Variants in TENM1 observed in about 807,000 individuals in gnomAD.
The protein encoded by TENM1 is teneurin transmembrane protein 1, also known as teneurin-1.
A neutral mutation model predicts 174.8 loss-of-function variants in TENM1; 35 were observed. That is an observed-to-expected ratio of 0.20 (90% confidence interval 0.15 to 0.27). The LOEUF (loss-of-function observed/expected upper bound fraction) is 0.27, where lower values mean the gene tolerates loss of function less well. Among genes scored for constraint, TENM1 ranks in the 10% least tolerant of loss-of-function variants. TENM1 has a pLI of 1.00. For missense variants in TENM1, 1,633 were observed against 2,130.1 expected (o/e 0.77, Z 4.59); for synonymous variants, 781 against 798.7 (o/e 0.98, Z 0.37).
chrX:125,147,824 G>A, the TENM1 span, among the ~76,000 whole-genome samples: 2 of 111,681 alleles, frequency 1.8e-5, no homozygotes, highest in African/African-American at 3.3e-5. Context: ...TGGTTACACC[G>A]CAGATTTATA....
intron 1 of TENM1, among the ~76,000 whole-genome samples, chrX:124,947,372 A>G (rs776122988): frequency 8.9e-6 from 1 of 112,091 alleles, no homozygotes; most frequent in South Asian, 3.7e-4. Context: ...CTACATATAC[A>G]TTACAGTATA....
intron 3 of TENM1, among the ~76,000 whole-genome samples, chrX:124,808,734 C>T (rs901698470): frequency 9.0e-6 from 1 of 111,222 alleles, no homozygotes; most frequent in Non-Finnish European, 1.9e-5. Context: ...AACCAGTGGG[C>T]CAATGATGAA....
intron 30 of TENM1, among the ~76,000 whole-genome samples, chrX:124,383,342 T>C (rs1025098922): frequency 8.9e-6 from 1 of 111,947 alleles, no homozygotes; most frequent in Non-Finnish European, 1.9e-5. Flanking sequence ...TAATATCAGC[T>C]TATATGATGA....
chrX:124,383,671 T>G (rs1247589523), exon 30 of TENM1: 1 of 1,209,730 alleles, frequency 8.3e-7, no homozygotes. Flanking sequence ...TTTTGCCAAC[T>G]GGGTAGTTAT....
intron 22 of TENM1, among the ~76,000 whole-genome samples, chrX:124,469,286 A>G (rs1392785223): frequency 1.8e-5 from 2 of 112,226 alleles, no homozygotes; most frequent in African/African-American, 6.5e-5. Flanking sequence ...AAGTATTTTA[A>G]TACTTATCCT....
At chrX:124,382,781 G>T in exon 31 of TENM1, 1 of 1,201,481 alleles carries the variant, frequency 8.3e-7, no homozygotes, top group South Asian at 1.8e-5. Flanking sequence ...TGTGTAATTG[G>T]AAACCAAATA....
intron 3 of TENM1, among the ~76,000 whole-genome samples, chrX:124,770,687 G>A (rs1420901999): frequency 1.8e-5 from 2 of 110,176 alleles, no homozygotes; most frequent in African/African-American, 6.6e-5. Flanking sequence ...GGGATTACAG[G>A]CGTGAACCAC....
intron 22 of TENM1, among the ~76,000 whole-genome samples, chrX:124,454,619 G>A (rs777402011): frequency 9.0e-6 from 1 of 111,530 alleles, no homozygotes; most frequent in East Asian, 2.8e-4. Flanking sequence ...TGGCCAGGCT[G>A]GTCTCGAACT....
intron 5 of TENM1, among the ~76,000 whole-genome samples, chrX:124,690,484 AGT>A (rs58386633): frequency 0.092 from 8,611 of 93,132 alleles, 341 homozygotes; most frequent in Non-Finnish European, 0.11. Context: ...GCTTTGTTAG[AGT>A]GTGTGTGTGT....
chrX:124,721,106 T>C (rs773032266), intron 4 of TENM1, among the ~76,000 whole-genome samples: 1 of 111,656 alleles, frequency 9.0e-6, no homozygotes, highest in Non-Finnish European at 1.9e-5. Context: ...GAAAATGAGG[T>C]TGAGAAGAAG....
At chrX:124,594,225 C>CT (rs1413839064) in intron 11 of TENM1, among the ~76,000 whole-genome samples, 5 of 111,638 alleles carry the variant, frequency 4.5e-5, no homozygotes, top group African/African-American at 1.6e-4. Flanking sequence ...GCTTCACTCA[C>CT]TTTTATCAGC....
At chrX:125,097,924 T>C in the TENM1 span, among the ~76,000 whole-genome samples, 1 of 112,545 alleles carries the variant, frequency 8.9e-6, no homozygotes, top group Non-Finnish European at 1.9e-5. Flanking sequence ...TGGCTAAAAA[T>C]CTGGTATGTT....
chrX:125,147,320 T>TAC, the TENM1 span, among the ~76,000 whole-genome samples: 109 of 109,720 alleles, frequency 9.9e-4, 1 homozygote, highest in African/African-American at 3.4e-3. Flanking sequence ...GGATATATTG[T>TAC]ACACACACAC....
chrX:124,837,245 T>C (rs921654643), intron 3 of TENM1, among the ~76,000 whole-genome samples: 11 of 111,823 alleles, frequency 9.8e-5, no homozygotes, highest in African/African-American at 2.9e-4. Context: ...TGCACCACCA[T>C]GCCCGGCTAA....
At chrX:124,493,602 T>C (rs2047119221) in intron 20 of TENM1, among the ~76,000 whole-genome samples, 1 of 111,186 alleles carries the variant, frequency 9.0e-6, no homozygotes, top group African/African-American at 3.3e-5. Flanking sequence ...CTCCCATCTA[T>C]ATTTGGCATT....
At chrX:124,788,715 G>C (rs1042900420) in intron 3 of TENM1, among the ~76,000 whole-genome samples, 2 of 112,833 alleles carry the variant, frequency 1.8e-5, no homozygotes, top group African/African-American at 6.4e-5. Context: ...ACTGATATAA[G>C]AGGTGGGCTT....
At chrX:124,957,716 GA>G (rs2058597868) in intron 1 of TENM1, among the ~76,000 whole-genome samples, 1 of 110,183 alleles carries the variant, frequency 9.1e-6, no homozygotes, top group Non-Finnish European at 1.9e-5. Flanking sequence ...CGGAGAAAAA[GA>G]AGCGTTAAAA....
chrX:125,117,191 G>C, the TENM1 span, among the ~76,000 whole-genome samples: 2 of 111,170 alleles, frequency 1.8e-5, no homozygotes, highest in Non-Finnish European at 3.8e-5. Context: ...TCCCATTACT[G>C]GGTATACACC....
At chrX:125,048,275 G>C in the TENM1 span, among the ~76,000 whole-genome samples, 1 of 89,838 alleles carries the variant, frequency 1.1e-5, no homozygotes, top group Admixed American at 1.2e-4. Flanking sequence ...TTTGAGATGG[G>C]GTCTCACTAT....
Sources: gnomAD v4.1 joint callset for allele counts (sites outside exome capture counted in the v4.1 genomes callset) on GRCh38, gnomAD v4.1.1 for gene constraint, MANE v1.5 for transcripts, NCBI Gene and HGNC (gene_info 2026-07-23, HGNC 2026-07-21) for gene names.